Variants in NUP210 observed in about 807,000 individuals in gnomAD.
The protein encoded by NUP210 is nucleoporin 210.
NUP210 carries 151 observed loss-of-function variants against 196.0 expected under a neutral mutation model. The observed-to-expected ratio is 0.77, with a 90% CI of 0.67 to 0.88. The LOEUF is 0.88. Among genes scored for constraint, NUP210 ranks in the 40% least tolerant of loss-of-function variants. The pLI is 0.00. For synonymous variants in NUP210, 1,070 were observed against 1,052.7 expected (o/e 1.02, Z -0.32); for missense variants, 2,314 against 2,493.7 (o/e 0.93, Z 1.53).
intron 23 of NUP210, among the ~76,000 whole-genome samples, 169 bp downstream of exon 23, chr3:13,341,578 GC>G (rs1267838854): frequency 6.6e-6 from 1 of 152,210 alleles, no homozygotes; most frequent in Non-Finnish European, 1.5e-5. Flanking sequence ...TAACTTTGCT[GC>G]CTCCCAGATC....
chr3:13,409,408 A>T (rs1367074398), intron 1 of NUP210, among the ~76,000 whole-genome samples: 1 of 152,186 alleles, frequency 6.6e-6, no homozygotes, highest in Non-Finnish European at 1.5e-5. Flanking sequence ...CCATGAGAGG[A>T]TGTCACAAGG....
At position 13,319,260 on chromosome 3, in the gene NUP210, G is replaced by A. The variant is rs1696404236; in HGVS notation, c.5449C>T (p.Leu1817=). The A allele has an allele frequency of 6.2e-7, 1 of 1,613,262 alleles. No individual in the cohort carries two copies. Among genetic ancestry groups the A allele is most frequent in the Admixed American group, 1.7e-5 (1 of 59,904 alleles). The part of the protein sequence containing the change: ...YQVMFFTLFA[L]LAGTAVMIIA... ...ATCATGACCGCTGTCCCAGCCAACA[G>A]GGCGAAGAGCGTGAAGAACATGACC... Residue 1817 remains leucine, a synonymous_variant, in exon 38 of 40, where the codon CTG becomes TTG. Transcript: ENST00000254508.
intron 31 of NUP210, among the ~76,000 whole-genome samples, chr3:13,327,956 T>C (rs994497964): frequency 3.3e-5 from 5 of 152,194 alleles, no homozygotes; most frequent in African/African-American, 9.6e-5. Context: ...GCTCAGTCAA[T>C]GTTGGCAATG....
Position 13,332,378 on chromosome 3 carries a change from C to A in NUP210, c.3850G>T (p.Glu1284Ter). 6.2e-7 allele frequency: 1 copy of A among 1,612,780 alleles called. No individual in the cohort carries two copies. Among genetic ancestry groups the A allele is most frequent in the South Asian group, 1.1e-5 (1 of 91,036 alleles). ...LSDEIQVQVF[E>*]KLQLLNPEIE... is the part of the protein sequence containing the mutation. ...TCAGGGTTGAGCAGCTGCAGCTTCT[C>A]AAACACCTGCAAGAGAGGGCAAGTT... Residue 1284 changes from glutamate to a stop codon, truncating the protein, a stop_gained, in exon 29 of 40, where the codon GAG becomes TAG. Transcript: ENST00000254508. LOFTEE classifies it high-confidence loss of function.
intron 4 of NUP210, among the ~76,000 whole-genome samples, chr3:13,390,034 G>A (rs77138850): frequency 0.017 from 2,577 of 152,254 alleles, 85 homozygotes; most frequent in African/African-American, 0.059. Flanking sequence ...GGACACATGC[G>A]GCAGGTGACT....
chr3:13,381,420 C>CTTTTTTTTTTTTTTT (rs10644995), intron 6 of NUP210, among the ~76,000 whole-genome samples: 1 of 134,446 alleles, frequency 7.4e-6, no homozygotes, highest in Non-Finnish European at 1.6e-5. Flanking sequence ...CTTTTCTTTT[C>CTTTTTTTTTTTTTTT]TTTTTTTTTT....
intron 36 of NUP210, 61 bp from the exon 37 acceptor site, chr3:13,320,040 G>T (rs1696456214): frequency 2.0e-6 from 3 of 1,498,606 alleles, no homozygotes; most frequent in Non-Finnish European, 2.8e-6. Flanking sequence ...CACTGAGCGG[G>T]GCCTCAGGAC....
In NUP210 at chr3:13,343,312, T is replaced by C. The variant is rs1256578549; in HGVS notation, c.2836-9A>G. On this transcript the variant is annotated splice_polypyrimidine_tract_variant and intron_variant, in intron 20 of 39. Transcript: ENST00000254508. ...GGGAGCAAAGGGTGCACCTGCAAGG[T>C]TGGGGCGGAGGTGGAGGGGTGGGTG... The C allele has an allele frequency of 6.1e-6, 6 of 986,316 alleles. No individual in the cohort carries two copies. Among genetic ancestry groups the C allele is most frequent in the Non-Finnish European group, 7.0e-6 (5 of 719,088 alleles). The allele number at this position is 986,316 out of a possible 1,614,324, so 61.1% of individuals were successfully genotyped here.
At position 13,319,151 on chromosome 3, in the gene NUP210, G is replaced by A; in HGVS notation, c.5484C>T (p.Tyr1828=). 2 of 1,611,252 alleles carry A rather than the reference G, an allele frequency of 1.2e-6. No individual in the cohort carries two copies. Among genetic ancestry groups the A allele is most frequent in the Non-Finnish European group, 1.7e-6 (2 of 1,178,746 alleles). The change falls in exon 39 of 40, where the codon TAC becomes TAT. Residue 1828 remains tyrosine, a synonymous_variant. Coordinates refer to ENST00000254508, the MANE Select transcript of NUP210 (RefSeq NM_024923.4). The part of the protein sequence containing the change: ...LAGTAVMIIA[Y]HTVCTPRDLA... Reference sequence around the variant, plus strand: ...GATCCCGGGGCGTGCAGACAGTGTGGTAGGCTGCAAGAGCACAGGGTTGGT... The same window carrying A: ...GATCCCGGGGCGTGCAGACAGTGTGATAGGCTGCAAGAGCACAGGGTTGGT...
At chr3:13,345,959 G>T (rs1399728682) in intron 20 of NUP210, among the ~76,000 whole-genome samples, 1 of 152,254 alleles carries the variant, frequency 6.6e-6, no homozygotes, top group Non-Finnish European at 1.5e-5. Flanking sequence ...ACAATGTGAA[G>T]AAATTCCATA....
chr3:13,416,436 T>C (rs912837278), intron 1 of NUP210, among the ~76,000 whole-genome samples: 1 of 152,194 alleles, frequency 6.6e-6, no homozygotes, highest in Non-Finnish European at 1.5e-5. Context: ...GGGGAACCAA[T>C]GGCTGCCTGA....
At position 13,316,540 on chromosome 3, in the gene NUP210, GA is replaced by G. The variant is rs1359846079; in HGVS notation, c.*1140del. The G allele has an allele frequency of 6.6e-6, 1 of 152,312 alleles. No homozygotes were observed. Among genetic ancestry groups the G allele is most frequent in the Non-Finnish European group, 1.5e-5 (1 of 68,098 alleles). 9.4% of individuals were successfully genotyped at this position (152,312 alleles called of 1,614,324 possible). A position where few individuals can be genotyped will look rare whatever the true frequency, so the allele number is the denominator to read the frequency against. Reference sequence around the variant, plus strand: ...CTGTGATCTGAGAATCTCAGATCCAGAATCAGGAGCTGGGAAGAGAGGACTT... The same window carrying G: ...CTGTGATCTGAGAATCTCAGATCCAGATCAGGAGCTGGGAAGAGAGGACTT... On this transcript the variant is annotated 3_prime_UTR_variant, in exon 40 of 40. Coordinates refer to ENST00000254508, the MANE Select transcript of NUP210 (RefSeq NM_024923.4).
At position 13,348,901 on chromosome 3, in the gene NUP210, A is replaced by G; in HGVS notation, c.2835+2978T>C. ...AACACCAAACAAAAAAACTGAATTA[A>G]AAAACTTATTAAACAGGGGGTGTTT... is the stretch of plus-strand genomic sequence containing the variant. On this transcript the variant is annotated intron_variant, in intron 20 of 39. Transcript: ENST00000254508. The surrounding 1 kb of genome is among the most constrained non-coding windows in gnomAD (Gnocchi z 4.0). 1 of 956,558 alleles carries G rather than the reference A, an allele frequency of 1.0e-6. No homozygotes were observed. Among genetic ancestry groups the G allele is most frequent in the South Asian group, 4.8e-5 (1 of 20,818 alleles). The allele number at this position is 956,558 out of a possible 1,614,324, so 59.3% of individuals were successfully genotyped here. A position where few individuals can be genotyped will look rare whatever the true frequency, so the allele number is the denominator to read the frequency against.
At chr3:13,403,092 T>A (rs1226086108) in intron 1 of NUP210, among the ~76,000 whole-genome samples, 2 of 152,220 alleles carry the variant, frequency 1.3e-5, no homozygotes, top group Non-Finnish European at 2.9e-5. Flanking sequence ...GTCATATTTT[T>A]AAGAAAATAC....
rs756600429 is a variant in NUP210 at position 13,379,663 on chromosome 3, G to A, written c.876C>T (p.Pro292=). The part of the protein sequence containing the change: ...ELQLQNSIPG[P]EGDPARPVAV... The stretch of plus-strand genomic sequence containing the variant: ...CCACCGGCCGGGCTGGGTCTCCTTC[G>A]GGGCCCGGGATGCTGTTCTGAAGCT... The change falls in exon 7 of 40, where the codon CCC becomes CCT. Residue 292 remains proline, a synonymous_variant. Coordinates refer to ENST00000254508, the MANE Select transcript of NUP210 (RefSeq NM_024923.4). The surrounding 1 kb of genome is among the most constrained non-coding windows in gnomAD (Gnocchi z 4.2). 4.3e-6 allele frequency: 7 copies of A among 1,613,804 alleles called. No individual in the cohort carries two copies. Among genetic ancestry groups the A allele is most frequent in the East Asian group, 4.5e-5 (2 of 44,870 alleles).
intron 27 of NUP210, among the ~76,000 whole-genome samples, chr3:13,336,558 C>T (rs1198366974): frequency 6.6e-6 from 1 of 152,176 alleles, no homozygotes; most frequent in Non-Finnish European, 1.5e-5. Flanking sequence ...GACTTCCTCA[C>T]ACGGCTGCTT....
intron 25 of NUP210, among the ~76,000 whole-genome samples, chr3:13,338,709 G>A (rs981187711): frequency 3.3e-5 from 5 of 152,272 alleles, no homozygotes; most frequent in East Asian, 1.9e-4. Flanking sequence ...TGGACAAGGC[G>A]CCGCAGGTGA....
intron 23 of NUP210, among the ~76,000 whole-genome samples, chr3:13,341,504 C>A (rs1290617490): frequency 6.6e-6 from 1 of 152,218 alleles, no homozygotes; most frequent in Non-Finnish European, 1.5e-5. Context: ...CTGAGCCACA[C>A]AATCCCCCAA....
intron 29 of NUP210, among the ~76,000 whole-genome samples, chr3:13,331,291 T>A (rs1469258557): frequency 6.6e-6 from 1 of 152,182 alleles, no homozygotes; most frequent in African/African-American, 2.4e-5. Context: ...TTTACATATT[T>A]ATTAATATAA....
Sources: gnomAD v4.1 joint callset for allele counts (sites outside exome capture counted in the v4.1 genomes callset) on GRCh38, gnomAD v4.1.1 for gene constraint, Gnocchi (gnomAD v3.1) non-coding constraint, MANE v1.5 for transcripts, NCBI Gene and HGNC (gene_info 2026-07-23, HGNC 2026-07-21) for gene names.